Variants in NAALADL2 observed in about 807,000 individuals in gnomAD.
The protein encoded by NAALADL2 is inactive N-acetylated-alpha-linked acidic dipeptidase-like protein 2.
Under a neutral mutation model 87.2 loss-of-function variants are expected in NAALADL2, and 76 were observed. The observed-to-expected ratio is 0.87, with a 90% CI of 0.72 to 1.05. NAALADL2 has a LOEUF of 1.05. NAALADL2 is among the 50% of genes least tolerant of loss of function. The pLI, the probability that NAALADL2 is intolerant of heterozygous loss-of-function variation, is 0.00. For missense variants in NAALADL2, 1,089 were observed against 945.8 expected, an observed-to-expected ratio of 1.15 and a Z score of -1.99; for synonymous variants, 354 against 331.0, an observed-to-expected ratio of 1.07 and a Z score of -0.75.
chr3:175,796,354 T>C (rs1019235265), intron 13 of NAALADL2, among the ~76,000 whole-genome samples: 1 of 152,134 alleles, frequency 6.6e-6, no homozygotes. Context: ...CAGAGGAAAA[T>C]AATTGCAGCC....
intron 1 of NAALADL2, among the ~76,000 whole-genome samples, chr3:175,061,943 C>A (rs947379188): frequency 3.2e-4 from 48 of 152,012 alleles, no homozygotes; most frequent in African/African-American, 9.9e-4. Context: ...ACAACTGGAA[C>A]TCATACATTA....
chr3:175,660,420 TG>T (rs1384694064), intron 11 of NAALADL2, among the ~76,000 whole-genome samples: 1 of 152,198 alleles, frequency 6.6e-6, no homozygotes, highest in Non-Finnish European at 1.5e-5. Context: ...ATACACGTGA[TG>T]TTTTGATACA....
intron 1 of NAALADL2, among the ~76,000 whole-genome samples, chr3:175,061,521 G>A (rs921785696): frequency 1.3e-5 from 2 of 151,972 alleles, no homozygotes; most frequent in Non-Finnish European, 2.9e-5. Context: ...TGGCTAAAGT[G>A]ATGGCAAAAG....
At chr3:175,786,060 C>T (rs529160792) in intron 13 of NAALADL2, among the ~76,000 whole-genome samples, 38 of 151,952 alleles carry the variant, frequency 2.5e-4, no homozygotes, top group Admixed American at 4.6e-4. Flanking sequence ...GGGTTTCTGC[C>T]GAGAGATCCG....
chr3:175,249,390 T>C (rs1748592515), intron 3 of NAALADL2, among the ~76,000 whole-genome samples: 1 of 152,142 alleles, frequency 6.6e-6, no homozygotes, highest in African/African-American at 2.4e-5. Flanking sequence ...TTTATCCCCA[T>C]TGCCATATTT....
intron 2 of NAALADL2, among the ~76,000 whole-genome samples, chr3:174,614,244 G>T (rs998127069): frequency 6.6e-6 from 1 of 152,134 alleles, no homozygotes; most frequent in Non-Finnish European, 1.5e-5. Context: ...GCCCAGCTGT[G>T]CATTAGTACT....
At chr3:175,125,698 G>A (rs970925914) in intron 2 of NAALADL2, among the ~76,000 whole-genome samples, 1 of 152,016 alleles carries the variant, frequency 6.6e-6, no homozygotes, top group Non-Finnish European at 1.5e-5. Context: ...ATAGAAGCTG[G>A]TATCTGGAAC....
At chr3:175,631,014 CCAAT>C (rs1727687551) in intron 11 of NAALADL2, among the ~76,000 whole-genome samples, 1 of 150,936 alleles carries the variant, frequency 6.6e-6, no homozygotes, top group African/African-American at 2.4e-5. Flanking sequence ...GCATCATAGC[CCAAT>C]CACATATTTT....
At chr3:175,384,146 C>G (rs1443109477) in intron 5 of NAALADL2, among the ~76,000 whole-genome samples, 1 of 152,018 alleles carries the variant, frequency 6.6e-6, no homozygotes, top group Middle Eastern at 3.2e-3. Context: ...TTTATCCTCT[C>G]TCTGAGAACT....
At chr3:174,988,970 T>C (rs2108697958) in intron 1 of NAALADL2, among the ~76,000 whole-genome samples, 1 of 152,278 alleles carries the variant, frequency 6.6e-6, no homozygotes, top group Middle Eastern at 3.4e-3. Flanking sequence ...TGCATCTGCG[T>C]CTAGTGAGAG....
chr3:175,438,572 T>C (rs1719149683), intron 5 of NAALADL2, among the ~76,000 whole-genome samples: 1 of 152,064 alleles, frequency 6.6e-6, no homozygotes, highest in South Asian at 2.1e-4. Flanking sequence ...AAAATCTCAG[T>C]TTTTTTCAGC....
rs1218736398 is a variant in NAALADL2, at chr3:175,444,018, G to C, written c.1091-3211G>C. Among the ~76,000 whole-genome samples, 4 of 152,230 alleles carry C rather than the reference G, an allele frequency of 2.6e-5. No homozygotes were observed. The East Asian group carries it at 7.7e-4, about 29-fold the overall frequency. ...GAGGAATGGCTTAAGCAAAAACATG[G>C]GGGACGTGGCTCATGGAGTATGTAA... On this transcript the variant is annotated intron_variant, in intron 5 of 13. Transcript: ENST00000454872.
intron 2 of NAALADL2, among the ~76,000 whole-genome samples, chr3:174,710,021 G>C (rs557948274): frequency 1.3e-5 from 2 of 152,280 alleles, no homozygotes; most frequent in East Asian, 3.9e-4. Context: ...AAATTGAAGT[G>C]AATGTATTGG....
At position 175,737,323 on chromosome 3, in the gene NAALADL2, T is replaced by A; in HGVS notation, c.1914T>A (p.Ile638=). The change falls in exon 12 of 14, where the codon ATT becomes ATA. Residue 638 remains isoleucine, a synonymous_variant. Coordinates refer to ENST00000454872, the MANE Select transcript of NAALADL2 (RefSeq NM_207015.3). ...TCTTTCAGCTCTCAGGAGAAGTGAT[T>A]TTGCAAATTGCCAACGAACCTGTTC... ...ETITKLSGEV[I]LQIANEPVLP... is the part of the protein sequence containing the mutation. The A allele has an allele frequency of 6.2e-7, 1 of 1,608,944 alleles. No individual in the cohort carries two copies. Among genetic ancestry groups the A allele is most frequent in the South Asian group, 1.1e-5 (1 of 90,924 alleles).
At chr3:174,774,222 T>G (rs1280422008) in intron 3 of NAALADL2, among the ~76,000 whole-genome samples, 2 of 152,154 alleles carry the variant, frequency 1.3e-5, no homozygotes, top group Non-Finnish European at 2.9e-5. Flanking sequence ...GTGGCATTCA[T>G]GTGGTCCATC....
At chr3:174,495,787 A>C (rs1426033003) in intron 1 of NAALADL2, among the ~76,000 whole-genome samples, 1 of 152,144 alleles carries the variant, frequency 6.6e-6, no homozygotes, top group East Asian at 1.9e-4. Context: ...GACTCAAAAG[A>C]TTCTACTTCT....
intron 3 of NAALADL2, among the ~76,000 whole-genome samples, chr3:174,828,424 C>G (rs769512981): frequency 1.4e-4 from 22 of 152,166 alleles, no homozygotes; most frequent in Non-Finnish European, 2.8e-4. Flanking sequence ...GTTGTTCTCA[C>G]ATTAATTGAG....
At chr3:175,153,592 T>C (rs2108796343) in intron 2 of NAALADL2, among the ~76,000 whole-genome samples, 1 of 152,300 alleles carries the variant, frequency 6.6e-6, no homozygotes, top group South Asian at 2.1e-4. Context: ...ATGAATACAT[T>C]TTAGGGTTCA....
chr3:174,703,589 T>G (rs1729774700), intron 2 of NAALADL2, among the ~76,000 whole-genome samples: 1 of 152,086 alleles, frequency 6.6e-6, no homozygotes, highest in South Asian at 2.1e-4. Flanking sequence ...GTGAAGTATA[T>G]AATTAGAGGA....
Sources: gnomAD v4.1 joint callset for allele counts (sites outside exome capture counted in the v4.1 genomes callset) on GRCh38, gnomAD v4.1.1 for gene constraint, MANE v1.5 for transcripts, NCBI Gene and HGNC (gene_info 2026-07-23, HGNC 2026-07-21) for gene names.